The following CLEC12A variants were observed in gnomAD, a reference collection of about 807,000 sequenced individuals.
CLEC12A encodes the protein C-type lectin domain family 12 member A.
A neutral mutation model predicts 26.5 loss-of-function variants in CLEC12A; 22 were observed. That is an observed-to-expected ratio of 0.83 (90% CI 0.59 to 1.19). The LOEUF (loss-of-function observed/expected upper bound fraction) is 1.19. CLEC12A is among the 50% of genes most tolerant of loss of function. The pLI, the probability that CLEC12A is intolerant of heterozygous loss-of-function variation, is 0.00. For missense variants in CLEC12A, 353 were observed against 315.6 expected (o/e 1.12, Z -0.90); for synonymous variants, 119 against 101.9 (o/e 1.17, Z -1.01).
At chr12:9,965,695 G>T (rs1156327506) in intron 1 of CLEC12A, among the ~76,000 whole-genome samples, 2 of 152,060 alleles carry the variant, frequency 1.3e-5, no homozygotes, top group Non-Finnish European at 1.5e-5. Flanking sequence ...AGCCTTGTCT[G>T]GTTTTAGGAC....
At chr12:9,993,162 T>C (rs199859311) in intron 4 of CLEC12A, 1 of 1,611,416 alleles carries the variant, frequency 6.2e-7, no homozygotes, top group Non-Finnish European at 8.5e-7. Context: ...TTGGTCCACC[T>C]TGGTCATGCC....
At chr12:9,971,768 T>C (rs942542141) in intron 1 of CLEC12A, 81 bp downstream of exon 1, 66 of 1,202,086 alleles carry the variant, frequency 5.5e-5, no homozygotes, top group South Asian at 4.6e-4. Flanking sequence ...ATTAGTGATA[T>C]AGTTACTATT....
At chr12:9,959,633 C>T (rs919572055) in intron 1 of CLEC12A, among the ~76,000 whole-genome samples, 16 of 152,108 alleles carry the variant, frequency 1.1e-4, no homozygotes, top group African/African-American at 3.9e-4. Flanking sequence ...GTCCCACTGA[C>T]GAACAGGATG....
At chr12:9,979,561 ATAAAC>A (rs1371318013) in intron 3 of CLEC12A, 37 bp downstream of exon 3, 2 of 1,483,188 alleles carry the variant, frequency 1.3e-6, no homozygotes, top group Non-Finnish European at 9.3e-7. Flanking sequence ...TTATTGGACA[ATAAAC>A]TAAACCACTG....
At chr12:9,998,340 C>G, downstream of CLEC12A, 1 of 1,614,036 alleles carries the variant, frequency 6.2e-7, no homozygotes, top group Non-Finnish European at 8.5e-7. Flanking sequence ...TCAGCAGAAT[C>G]AAAGCCATCA....
chr12:9,995,870 A>T (rs1329087430), downstream of CLEC12A, among the ~76,000 whole-genome samples: 3 of 152,176 alleles, frequency 2.0e-5, no homozygotes, highest in Non-Finnish European at 4.4e-5. Context: ...TTTAACTAGA[A>T]TATACTCTTG....
chr12:9,973,856 CT>C (rs34472033), intron 1 of CLEC12A, among the ~76,000 whole-genome samples: 9 of 151,912 alleles, frequency 5.9e-5, no homozygotes, highest in African/African-American at 1.9e-4. Context: ...TCTGCTTTTC[CT>C]TTTTGGTGCA....
chr12:9,974,211 C>T (rs1040117688), intron 1 of CLEC12A, among the ~76,000 whole-genome samples: 5 of 152,160 alleles, frequency 3.3e-5, no homozygotes, highest in African/African-American at 9.7e-5. Context: ...GCTTTCTTTG[C>T]ACATCCCTCC....
At chr12:9,998,257 A>C (rs377059508), downstream of CLEC12A, 4 of 1,589,434 alleles carry the variant, frequency 2.5e-6, no homozygotes, top group Non-Finnish European at 3.5e-6. Context: ...CCTCCAGTCA[A>C]ATTTCTGGCA....
chr12:9,980,628 C>G lies in CLEC12A; in HGVS notation c.426C>G (p.Asp142Glu), dbSNP rs1347533340. Residue 142 changes from aspartate (D) to glutamate (E), a missense_variant, in exon 4 of 6, where the codon GAC becomes GAG. Coordinates refer to ENST00000304361, the MANE Select transcript of CLEC12A (RefSeq NM_138337.6). ...CAAGGAGATGGATTTGGCATAAGGA[C>G]AGCTGTTATTTCCTAAGTGATGATG... ...PCPRRWIWHK[D>E]SCYFLSDDVQ... 1 of 1,613,716 alleles carries G rather than the reference C, an allele frequency of 6.2e-7. No homozygotes were observed. Among genetic ancestry groups the G allele is most frequent in the East Asian group, 2.2e-5 (1 of 44,890 alleles).
Position 9,955,126 on chromosome 12 carries a change from G to A in CLEC12A, c.10+3770G>A, listed in dbSNP as rs965566871. Reference sequence around the variant, plus strand: ...TTTAAAAACGGAGTCTCACTCTGTCGCCCAGGCTGGAGTGCAGTGGCCCGA... The same window carrying A: ...TTTAAAAACGGAGTCTCACTCTGTCACCCAGGCTGGAGTGCAGTGGCCCGA... On this transcript the variant is annotated intron_variant, in intron 1 of 6. Coordinates refer to the CLEC12A transcript ENST00000355690. 2.2e-4 allele frequency among the ~76,000 whole-genome samples: 34 copies of A among 151,944 alleles called. 1 individual carries two copies. The highest frequency in any genetic ancestry group is 2.0e-3 in the Admixed American group (30 of 15,256).
intron 5 of CLEC12A, chr12:9,984,082 T>C: frequency 3.4e-6 from 1 of 292,918 alleles, no homozygotes; most frequent in Non-Finnish European, 6.8e-6. Context: ...TGAAAAAGTA[T>C]ATAATAATTG....
At chr12:9,967,052 TG>T (rs1408209943), upstream of CLEC12A, among the ~76,000 whole-genome samples, 1 of 151,446 alleles carries the variant, frequency 6.6e-6, no homozygotes, top group Non-Finnish European at 1.5e-5. Context: ...AACTGTAAGC[TG>T]GGCCAGGTGT....
chr12:9,961,271 G>A (rs532392243), intron 1 of CLEC12A, among the ~76,000 whole-genome samples: 36 of 152,302 alleles, frequency 2.4e-4, no homozygotes, highest in African/African-American at 7.2e-4. Flanking sequence ...TGTTCGACAC[G>A]CACTTCCTGT....
chr12:9,995,198 G>A (rs753263519), exon 5 of CLEC12A: 6 of 1,613,078 alleles, frequency 3.7e-6, no homozygotes, highest in Admixed American at 1.7e-5. Context: ...GACTTCTGGC[G>A]AGATAATCCG....
intron 1 of CLEC12A, chr12:9,951,890 A>T (rs866777090): frequency 6.4e-5 from 10 of 157,164 alleles, no homozygotes; most frequent in Middle Eastern, 6.4e-3. Context: ...CAGTCTTTGA[A>T]TTGTAGCACT....
At chr12:9,976,654 T>C (rs113296851) in intron 1 of CLEC12A, among the ~76,000 whole-genome samples, 3,679 of 152,298 alleles carry the variant, frequency 0.024, 43 homozygotes, top group Middle Eastern at 0.034. Flanking sequence ...TTTTGGGGAC[T>C]GTTGGGAAGG....
intron 1 of CLEC12A, among the ~76,000 whole-genome samples, chr12:9,952,271 A>C (rs1451226117): frequency 6.7e-6 from 1 of 148,580 alleles, no homozygotes; most frequent in Admixed American, 6.8e-5. Flanking sequence ...ATCTCGGCTC[A>C]CTGCAACCTC....
chr12:9,960,487 A>G (rs1340213584), intron 1 of CLEC12A, among the ~76,000 whole-genome samples: 1 of 152,194 alleles, frequency 6.6e-6, no homozygotes, highest in Non-Finnish European at 1.5e-5. Flanking sequence ...TAAAACTGAA[A>G]TAAAAGTACC....
Sources: gnomAD v4.1 joint callset for allele counts (sites outside exome capture counted in the v4.1 genomes callset) on GRCh38, gnomAD v4.1.1 for gene constraint, MANE v1.5 for transcripts, NCBI Gene and HGNC (gene_info 2026-07-23, HGNC 2026-07-21) for gene names.